Variants in DISC1 observed in about 807,000 individuals in gnomAD.
DISC1 encodes the protein DISC1 scaffold protein, also known as disrupted in schizophrenia 1 protein.
Under a neutral mutation model 84.5 loss-of-function variants are expected in DISC1, and 57 were observed. The observed-to-expected ratio is 0.67, with a 90% CI of 0.55 to 0.84. DISC1 has a LOEUF of 0.84. Among genes scored for constraint, DISC1 ranks in the 40% least tolerant of loss-of-function variants. The pLI is 0.00. For synonymous variants in DISC1, 411 were observed against 415.2 expected (o/e 0.99, Z 0.12); for missense variants, 1,000 against 1,057.8 (o/e 0.95, Z 0.76).
At chr1:231,726,792 A>C (rs1023027108) in intron 3 of DISC1, among the ~76,000 whole-genome samples, 1 of 152,192 alleles carries the variant, frequency 6.6e-6, no homozygotes, top group East Asian at 1.9e-4. Flanking sequence ...GTGGTTTTAG[A>C]ATATCAGGAA....
chr1:232,007,780 A>G, intron 10 of DISC1, among the ~76,000 whole-genome samples: 1 of 152,084 alleles, frequency 6.6e-6, no homozygotes, highest in East Asian at 1.9e-4. Context: ...GCTGGGGTGA[A>G]ATGATATGGT....
chr1:231,935,325 T>TG (rs1406329183), intron 9 of DISC1, among the ~76,000 whole-genome samples: 1 of 152,042 alleles, frequency 6.6e-6, no homozygotes, highest in African/African-American at 2.4e-5. Flanking sequence ...GATTGGGTGT[T>TG]GGGGGCGTGG....
At chr1:231,734,404 C>A (rs964414695) in intron 3 of DISC1, among the ~76,000 whole-genome samples, 2 of 152,002 alleles carry the variant, frequency 1.3e-5, no homozygotes, top group African/African-American at 4.8e-5. Flanking sequence ...AGCTTGTGAT[C>A]CTGAGAAATT....
chr1:231,684,495 A>G (rs1007371874), intron 1 of DISC1, among the ~76,000 whole-genome samples: 9 of 151,980 alleles, frequency 5.9e-5, no homozygotes, highest in Non-Finnish European at 1.0e-4. Flanking sequence ...ATTTTTTCCT[A>G]TGTATTGTTT....
intron 9 of DISC1, among the ~76,000 whole-genome samples, chr1:231,848,077 A>G (rs12139117): frequency 0.21 from 32,327 of 152,034 alleles, 4,087 homozygotes; most frequent in East Asian, 0.43. Flanking sequence ...GCAAAGAGAG[A>G]AACAGGGCTG....
intron 1 of DISC1, among the ~76,000 whole-genome samples, chr1:231,685,440 T>A (rs2064146865): frequency 6.6e-6 from 1 of 151,950 alleles, no homozygotes; most frequent in Admixed American, 6.6e-5. Context: ...GAAAGGCACT[T>A]CTTTATTTTA....
chr1:231,675,014 GC>G lies in DISC1; in HGVS notation c.68-18809del, dbSNP rs539529878. ...AGAATAGCAGTATGATTGAAAATGT[GC>G]CCACAAGCATAATCTCTGAATTGGT... On this transcript the variant is annotated intron_variant, in intron 1 of 12. Transcript: ENST00000439617. This position sits in a 1 kb window ranked among gnomAD's most constrained non-coding sequence, Gnocchi z 4.1. Among the ~76,000 whole-genome samples, 513 of 152,280 alleles carry G rather than the reference GC, an allele frequency of 3.4e-3. 7 individuals are homozygous for G. Among genetic ancestry groups the G allele is most frequent in the African/African-American group, 0.012 (492 of 41,548 alleles).
chr1:231,724,186 G>A (rs111811855), intron 3 of DISC1: 41 of 361,184 alleles, frequency 1.1e-4, no homozygotes, highest in African/African-American at 7.5e-4. Context: ...GGGGAAGGGG[G>A]CAGGGCTGCT....
rs1172253895 is a variant in DISC1, at chr1:231,675,871, A to G, written c.68-17955A>G. ...CTTTTCTTTTTTTTTTTTTTTTGAC[A>G]CAGAATTCCCACTGTCGCCCAGGCT... On this transcript the variant is annotated intron_variant, in intron 1 of 12. Transcript: ENST00000439617. This position sits in a 1 kb window ranked among gnomAD's most constrained non-coding sequence, Gnocchi z 4.1. Among the ~76,000 whole-genome samples, 1 of 140,542 alleles carries G rather than the reference A, an allele frequency of 7.1e-6. No homozygotes were observed. The highest frequency in any genetic ancestry group is 1.5e-5 in the Non-Finnish European group (1 of 65,644). The allele number at this position is 140,542 out of a possible 152,430, so 92.2% of individuals were successfully genotyped here.
In DISC1 at chr1:231,746,178, T is replaced by C. The variant is rs116891607; in HGVS notation, c.1118-3748T>C. On this transcript the variant is annotated intron_variant, in intron 3 of 12. Transcript: ENST00000439617. ...AAAACGGATTTAAGCAAACTCATTT[T>C]AGCTTCCACATATGAGTGAAAACAT... is the stretch of plus-strand genomic sequence containing the variant. 3.7e-4 allele frequency among the ~76,000 whole-genome samples: 56 copies of C among 152,390 alleles called. No individual in the cohort carries two copies. The East Asian group carries it at 0.01, about 27-fold the overall frequency.
chr1:231,963,322 T>C lies in DISC1; in HGVS notation c.2042+4434T>C, dbSNP rs1660645106. ...TTAAGGAGTATCATCCAGAGAAATATTCGATTGAATCATGTGAAATTGCTG... is the reference window on the plus strand; with the variant it reads ...TTAAGGAGTATCATCCAGAGAAATACTCGATTGAATCATGTGAAATTGCTG... On this transcript the variant is annotated intron_variant, in intron 10 of 12. Transcript: ENST00000439617. 2.0e-5 allele frequency among the ~76,000 whole-genome samples: 3 copies of C among 152,150 alleles called. No individual in the cohort carries two copies. The South Asian group carries it at 6.2e-4, about 31-fold the overall frequency.
chr1:231,666,319 A>G (rs2062017536), intron 1 of DISC1, among the ~76,000 whole-genome samples: 1 of 151,556 alleles, frequency 6.6e-6, no homozygotes, highest in African/African-American at 2.4e-5. Flanking sequence ...GAAAAAAAAA[A>G]AAAAAAAAAA....
At chr1:231,667,080 G>A (rs2062093075) in intron 1 of DISC1, among the ~76,000 whole-genome samples, 1 of 152,194 alleles carries the variant, frequency 6.6e-6, no homozygotes, top group South Asian at 2.1e-4. Flanking sequence ...CCTTCAGACA[G>A]GAGCCTGTAT....
At chr1:231,634,453 G>A (rs942199030) in intron 1 of DISC1, among the ~76,000 whole-genome samples, 9 of 152,132 alleles carry the variant, frequency 5.9e-5, no homozygotes, top group Admixed American at 5.2e-4. Flanking sequence ...AAAAGTTTGC[G>A]TATTTCAGTA....
intron 6 of DISC1, among the ~76,000 whole-genome samples, chr1:231,784,276 A>G (rs2125550155): frequency 6.6e-6 from 1 of 152,294 alleles, no homozygotes; most frequent in Non-Finnish European, 1.5e-5. Flanking sequence ...AAAAAAAAAA[A>G]AAAGTGACAC....
chr1:231,987,739 T>G (rs1057207485), intron 10 of DISC1, among the ~76,000 whole-genome samples: 14 of 152,210 alleles, frequency 9.2e-5, no homozygotes, highest in African/African-American at 3.4e-4. Flanking sequence ...GGTCTTAAAC[T>G]TCAAAGGGAT....
In DISC1 at chr1:232,017,425, A is replaced by C. The variant is rs552552422; in HGVS notation, c.2307+8376A>C. On this transcript the variant is annotated intron_variant, in intron 11 of 12. Transcript: ENST00000439617. ...AAAACTTAAATACTGCTATAGCCCC[A>C]AAATATGTAAAATATGTAAACAGTT... is the stretch of plus-strand genomic sequence containing the variant. Among the ~76,000 whole-genome samples the C allele has an allele frequency of 3.3e-5, 5 of 151,702 alleles. No individual in the cohort carries two copies. In the South Asian group the frequency reaches 1.0e-3, roughly 32 times the overall value.
chr1:231,889,742 C>CTT (rs571937696), intron 9 of DISC1, among the ~76,000 whole-genome samples: 1 of 151,362 alleles, frequency 6.6e-6, no homozygotes, highest in South Asian at 2.1e-4. Flanking sequence ...TTCTCCCCCT[C>CTT]TTTTTTTTTC....
At position 231,857,654 on chromosome 1, in the gene DISC1, ATTGT is replaced by A. The variant is rs544752566; in HGVS notation, c.1981+39151_1981+39154del. ...CTAGAATGATTAGAATCTTGAAAAA[ATTGT>A]TTGTTTGTTTGTTACAGAGAATCTT... is the stretch of plus-strand genomic sequence containing the variant. On this transcript the variant is annotated intron_variant, in intron 9 of 12. Transcript: ENST00000439617. Among the ~76,000 whole-genome samples the A allele has an allele frequency of 1.1e-4, 16 of 152,326 alleles. No homozygotes were observed. In the South Asian group the frequency reaches 1.9e-3, roughly 18 times the overall value.
Sources: gnomAD v4.1 joint callset for allele counts (sites outside exome capture counted in the v4.1 genomes callset) on GRCh38, gnomAD v4.1.1 for gene constraint, Gnocchi (gnomAD v3.1) non-coding constraint, MANE v1.5 for transcripts, NCBI Gene and HGNC (gene_info 2026-07-23, HGNC 2026-07-21) for gene names.